ADAMTSL1: variants seen among roughly 807,000 people sequenced by gnomAD.
The protein encoded by ADAMTSL1 is ADAMTS like 1.
ADAMTSL1 carries 126 observed loss-of-function variants against 201.8 expected under a neutral mutation model. That is an observed-to-expected ratio of 0.62 (90% confidence interval 0.54 to 0.72). The LOEUF is 0.72. Among genes scored for constraint, ADAMTSL1 ranks in the 30% least tolerant of loss-of-function variants. The pLI is 0.00. For synonymous variants in ADAMTSL1, 1,121 were observed against 903.4 expected (o/e 1.24, Z -4.32); for missense variants, 2,679 against 2,277.8 (o/e 1.18, Z -3.59).
intron 1 of ADAMTSL1, among the ~76,000 whole-genome samples, chr9:17,992,894 C>G (rs1450246190): frequency 6.6e-6 from 1 of 152,118 alleles, no homozygotes; most frequent in Non-Finnish European, 1.5e-5. Flanking sequence ...TGCTGCTATT[C>G]CAGCATTACA....
intron 1 of ADAMTSL1, among the ~76,000 whole-genome samples, chr9:18,098,906 G>T (rs1824368419): frequency 6.6e-6 from 1 of 152,100 alleles, no homozygotes; most frequent in Admixed American, 6.5e-5. Flanking sequence ...AAAGATCCAG[G>T]TCAATTCTGG....
intron 2 of ADAMTSL1, among the ~76,000 whole-genome samples, chr9:18,280,333 G>A (rs1181381020): frequency 6.6e-6 from 1 of 151,660 alleles, no homozygotes; most frequent in Non-Finnish European, 1.5e-5. Flanking sequence ...GCCTAAGGGG[G>A]TGGCTTGGCA....
chr9:18,630,780 C>T (rs1382096967), intron 5 of ADAMTSL1, among the ~76,000 whole-genome samples: 1 of 152,162 alleles, frequency 6.6e-6, no homozygotes, highest in African/African-American at 2.4e-5. Flanking sequence ...AAGCAGAAGT[C>T]TTGGTGCTGG....
At chr9:18,556,776 A>C (rs73644243) in intron 3 of ADAMTSL1, among the ~76,000 whole-genome samples, 1,544 of 152,082 alleles carry the variant, frequency 0.01, 30 homozygotes, top group African/African-American at 0.036. Context: ...GTTTGATTAG[A>C]CTCATATGTT....
chr9:18,321,531 C>G (rs192336731), intron 2 of ADAMTSL1, among the ~76,000 whole-genome samples: 3 of 152,186 alleles, frequency 2.0e-5, no homozygotes, highest in Non-Finnish European at 4.4e-5. Context: ...CGGTGGCTCA[C>G]GCCTGTAATC....
intron 2 of ADAMTSL1, among the ~76,000 whole-genome samples, chr9:18,253,107 A>G (rs2254658): frequency 0.098 from 14,922 of 152,120 alleles, 819 homozygotes; most frequent in African/African-American, 0.15. Flanking sequence ...TATGATGTAG[A>G]TGTCATGATG....
intron 2 of ADAMTSL1, among the ~76,000 whole-genome samples, chr9:18,512,851 C>CA: frequency 6.6e-6 from 1 of 152,270 alleles, no homozygotes; most frequent in African/African-American, 2.4e-5. Flanking sequence ...AGCAGACATT[C>CA]AAATGTTTAA....
At chr9:18,478,148 T>C (rs1052320532) in intron 1 of ADAMTSL1, among the ~76,000 whole-genome samples, 5 of 152,102 alleles carry the variant, frequency 3.3e-5, no homozygotes, top group African/African-American at 1.2e-4. Flanking sequence ...GAGATTCACA[T>C]CTCCTAAGTT....
chr9:18,346,384 C>T (rs1326050610), intron 2 of ADAMTSL1, among the ~76,000 whole-genome samples: 3 of 152,094 alleles, frequency 2.0e-5, no homozygotes, highest in Non-Finnish European at 4.4e-5. Context: ...CAAAAGAGCT[C>T]GAGCTTTTGG....
intron 3 of ADAMTSL1, among the ~76,000 whole-genome samples, chr9:18,539,365 A>G (rs7039094): frequency 0.24 from 36,067 of 152,098 alleles, 4,864 homozygotes; most frequent in East Asian, 0.63. Flanking sequence ...CGCTATCAGT[A>G]TGGAGGTAAG....
intron 13 of ADAMTSL1, among the ~76,000 whole-genome samples, chr9:18,701,234 T>TTTTTTA (rs1831904795): frequency 1.1e-5 from 1 of 94,778 alleles, no homozygotes. Flanking sequence ...TTTTTTTTTT[T>TTTTTTA]GAGACAGAGT....
intron 2 of ADAMTSL1, among the ~76,000 whole-genome samples, chr9:18,292,825 C>G (rs1451953913): frequency 6.6e-6 from 1 of 152,178 alleles, no homozygotes; most frequent in East Asian, 1.9e-4. Context: ...ACTGATCCAC[C>G]ACTAGCTTCC....
At chr9:18,231,858 C>G (rs1264230563) in intron 2 of ADAMTSL1, among the ~76,000 whole-genome samples, 1 of 152,192 alleles carries the variant, frequency 6.6e-6, no homozygotes, top group East Asian at 1.9e-4. Flanking sequence ...ACTACTAACT[C>G]CACCTTCAGA....
At chr9:18,430,756 G>T (rs1030974109) in intron 2 of ADAMTSL1, among the ~76,000 whole-genome samples, 3 of 152,134 alleles carry the variant, frequency 2.0e-5, no homozygotes, top group Non-Finnish European at 4.4e-5. Flanking sequence ...AACGAAAATT[G>T]TACATCTCAA....
intron 23 of ADAMTSL1, among the ~76,000 whole-genome samples, chr9:18,880,172 C>T (rs1828438904): frequency 6.6e-6 from 1 of 152,156 alleles, no homozygotes; most frequent in Admixed American, 6.5e-5. Context: ...TTTTGAACCC[C>T]TCAAAGTCAT....
chr9:18,308,842 C>T (rs1047592439), intron 2 of ADAMTSL1, among the ~76,000 whole-genome samples: 4 of 152,056 alleles, frequency 2.6e-5, no homozygotes, highest in Admixed American at 6.5e-5. Context: ...TTTATGAGGC[C>T]GGCATCATCC....
intron 2 of ADAMTSL1, among the ~76,000 whole-genome samples, chr9:18,168,967 G>A (rs956658632): frequency 4.6e-5 from 7 of 151,030 alleles, no homozygotes; most frequent in Non-Finnish European, 8.9e-5. Flanking sequence ...ACTTTTTGAT[G>A]GGGTTGTTTG....
intron 4 of ADAMTSL1, among the ~76,000 whole-genome samples, chr9:18,598,159 C>G (rs1208396381): frequency 6.6e-6 from 1 of 152,196 alleles, no homozygotes; most frequent in Non-Finnish European, 1.5e-5. Context: ...TTGAACCTCT[C>G]TACAAAGCTA....
chr9:18,269,364 T>C (rs1271891104), intron 2 of ADAMTSL1, among the ~76,000 whole-genome samples: 3 of 152,160 alleles, frequency 2.0e-5, no homozygotes, highest in African/African-American at 7.2e-5. Context: ...AATAACATTG[T>C]AGGACCCATC....
Sources: allele counts gnomAD v4.1 joint callset (sites outside exome capture counted in the v4.1 genomes callset), GRCh38; gene constraint gnomAD v4.1.1; transcripts MANE v1.5; gene names NCBI Gene and HGNC (gene_info 2026-07-23, HGNC 2026-07-21).